ROBO1: variants seen among roughly 807,000 people sequenced by gnomAD.
ROBO1 encodes the protein roundabout homolog 1.
A neutral mutation model predicts 195.9 loss-of-function variants in ROBO1; 149 were observed. The ratio of observed to expected loss-of-function variants is 0.76; its 90% CI spans 0.67 to 0.87. The LOEUF (loss-of-function observed/expected upper bound fraction) is 0.87, where lower values mean the gene tolerates loss of function less well. Ranked by LOEUF, ROBO1 falls within the 40% of genes least tolerant of loss-of-function variation. ROBO1 has a pLI of 0.00. For synonymous variants in ROBO1, 816 were observed against 733.2 expected, an observed-to-expected ratio of 1.11 and a Z score of -1.82; for missense variants, 1,933 against 2,068.3, an observed-to-expected ratio of 0.93 and a Z score of 1.27.
At chr3:79,536,639 T>C (rs1412743732) in intron 2 of ROBO1, among the ~76,000 whole-genome samples, 4 of 151,960 alleles carry the variant, frequency 2.6e-5, no homozygotes, top group African/African-American at 7.3e-5. Context: ...AAAGTTTATA[T>C]CTATATTAGT....
intron 2 of ROBO1, among the ~76,000 whole-genome samples, chr3:79,482,924 G>A (rs1297730453): frequency 6.6e-6 from 1 of 152,008 alleles, no homozygotes; most frequent in East Asian, 1.9e-4. Context: ...AATTGTTCTA[G>A]CTATGCCATC....
intron 1 of ROBO1, among the ~76,000 whole-genome samples, chr3:79,698,247 C>T (rs1171739492): frequency 1.3e-5 from 2 of 151,334 alleles, no homozygotes; most frequent in Non-Finnish European, 3.0e-5. Context: ...CTATTAGTAG[C>T]AATAAATAAT....
At chr3:79,737,798 T>A (rs1005766332) in intron 1 of ROBO1, among the ~76,000 whole-genome samples, 1 of 152,192 alleles carries the variant, frequency 6.6e-6, no homozygotes, top group African/African-American at 2.4e-5. Context: ...GCTCACCAAA[T>A]GATGAATGCC....
chr3:79,093,640 T>C (rs1001954991), intron 3 of ROBO1, among the ~76,000 whole-genome samples: 1 of 152,072 alleles, frequency 6.6e-6, no homozygotes, highest in Non-Finnish European at 1.5e-5. Context: ...CAGGATGACA[T>C]CCCTGGTTAT....
intron 2 of ROBO1, among the ~76,000 whole-genome samples, chr3:79,575,804 T>C (rs1943467103): frequency 6.6e-6 from 1 of 151,560 alleles, no homozygotes; most frequent in East Asian, 1.9e-4. Context: ...ATAATTACAA[T>C]AAAATCATCA....
intron 1 of ROBO1, among the ~76,000 whole-genome samples, chr3:79,663,741 T>A (rs554423504): frequency 1.8e-4 from 28 of 152,214 alleles, no homozygotes; most frequent in Middle Eastern, 6.8e-3. Flanking sequence ...CTAGTTATTG[T>A]CATTTTTTAG....
chr3:79,272,935 C>G (rs1190354786), intron 2 of ROBO1, among the ~76,000 whole-genome samples: 1 of 151,940 alleles, frequency 6.6e-6, no homozygotes, highest in Non-Finnish European at 1.5e-5. Context: ...ATCTCACAGG[C>G]CAGGGGAGAA....
chr3:79,430,358 C>A (rs982033328), intron 2 of ROBO1, among the ~76,000 whole-genome samples: 2 of 152,106 alleles, frequency 1.3e-5, no homozygotes, highest in Non-Finnish European at 2.9e-5. Context: ...AGGATGCAGA[C>A]AACCTATGCC....
chr3:78,791,784 G>T (rs1013842871), intron 4 of ROBO1, among the ~76,000 whole-genome samples: 3 of 152,188 alleles, frequency 2.0e-5, no homozygotes, highest in Admixed American at 1.3e-4. Context: ...GATCAGAAAT[G>T]CATGCATAAA....
chr3:78,803,563 C>A (rs1256040727), intron 4 of ROBO1, among the ~76,000 whole-genome samples: 1 of 151,952 alleles, frequency 6.6e-6, no homozygotes, highest in South Asian at 2.1e-4. Flanking sequence ...GCGAGTAAGT[C>A]GTCTTTTAAT....
intron 4 of ROBO1, among the ~76,000 whole-genome samples, chr3:78,859,818 C>T (rs993310749): frequency 1.3e-5 from 2 of 152,144 alleles, no homozygotes; most frequent in Non-Finnish European, 2.9e-5. Context: ...CAGGGGCTCG[C>T]GCCTATAATC....
At chr3:79,580,907 T>C (rs1247189760) in intron 2 of ROBO1, among the ~76,000 whole-genome samples, 1 of 152,196 alleles carries the variant, frequency 6.6e-6, no homozygotes, top group Non-Finnish European at 1.5e-5. Context: ...TCATTTTATT[T>C]ATGAATTATT....
At chr3:79,007,419 A>G (rs1265388489) in intron 3 of ROBO1, among the ~76,000 whole-genome samples, 3 of 152,210 alleles carry the variant, frequency 2.0e-5, no homozygotes, top group African/African-American at 7.2e-5. Flanking sequence ...ACAGAGAGAC[A>G]GTGATATTCC....
rs1296950929 is a variant in ROBO1 at position 79,104,775 on chromosome 3, TC to T, written c.172+20680del. 4.0e-5 allele frequency among the ~76,000 whole-genome samples: 6 copies of T among 151,814 alleles called. No individual in the cohort carries two copies. In the East Asian group the frequency reaches 1.2e-3, roughly 29 times the overall value. ...ATAGCAAGAGTGAGAGAGACAACTG[TC>T]CCCTCGCCCTATCTTAATTGAAGAG... On this transcript the variant is annotated intron_variant, in intron 3 of 30. Coordinates refer to ENST00000464233, the MANE Select transcript of ROBO1 (RefSeq NM_002941.4).
intron 2 of ROBO1, among the ~76,000 whole-genome samples, chr3:79,278,435 C>T (rs762028894): frequency 1.3e-5 from 2 of 152,040 alleles, no homozygotes; most frequent in Admixed American, 6.6e-5. Flanking sequence ...CAAGACCAGA[C>T]CTTAATCCTA....
chr3:79,318,364 C>T (rs769061173), intron 2 of ROBO1, among the ~76,000 whole-genome samples: 2 of 152,136 alleles, frequency 1.3e-5, no homozygotes, highest in Non-Finnish European at 2.9e-5. Flanking sequence ...GAATAACTTC[C>T]TTCTTGGAAT....
intron 2 of ROBO1, among the ~76,000 whole-genome samples, chr3:79,496,424 C>T (rs968240390): frequency 1.2e-5 from 1 of 80,330 alleles, no homozygotes; most frequent in African/African-American, 5.0e-5. Context: ...TCGCCCAGGC[C>T]GGACTGCGGA....
intron 2 of ROBO1, among the ~76,000 whole-genome samples, chr3:79,173,444 C>T (rs1375030628): frequency 6.6e-6 from 1 of 152,078 alleles, no homozygotes; most frequent in Non-Finnish European, 1.5e-5. Context: ...GCTGGCCAGC[C>T]CTGCCTCCCT....
chr3:79,542,179 A>T (rs34542998), intron 2 of ROBO1, among the ~76,000 whole-genome samples: 29,175 of 151,864 alleles, frequency 0.19, 3,343 homozygotes, highest in African/African-American at 0.3. Context: ...TGTCAGTAGC[A>T]ATTAACAGGA....
Sources: gnomAD v4.1 joint callset for allele counts (sites outside exome capture counted in the v4.1 genomes callset) on GRCh38, gnomAD v4.1.1 for gene constraint, MANE v1.5 for transcripts, NCBI Gene and HGNC (gene_info 2026-07-23, HGNC 2026-07-21) for gene names.